The following PIWIL2 variants were observed in gnomAD, a reference collection of about 807,000 sequenced individuals.
The protein encoded by PIWIL2 is piwi like RNA-mediated gene silencing 2.
Under a neutral mutation model 116.5 loss-of-function variants are expected in PIWIL2, and 81 were observed. The ratio of observed to expected loss-of-function variants is 0.70; its 90% CI spans 0.58 to 0.84. The LOEUF (loss-of-function observed/expected upper bound fraction) is 0.84. Among genes scored for constraint, PIWIL2 ranks in the 40% least tolerant of loss-of-function variants. The probability of loss-of-function intolerance (pLI) is 0.00; values close to 1 mark genes in which losing one functional copy is unlikely to be tolerated. For synonymous variants in PIWIL2, 489 were observed against 429.5 expected (o/e 1.14, Z -1.71); for missense variants, 1,272 against 1,212.3 (o/e 1.05, Z -0.73).
intron 21 of PIWIL2, among the ~76,000 whole-genome samples, chr8:22,353,794 A>ATTTTTTTT (rs1832428808): frequency 6.7e-5 from 1 of 14,896 alleles, no homozygotes; most frequent in Non-Finnish European, 1.2e-4. Flanking sequence ...TTTTTTTTTG[A>ATTTTTTTT]GGCAGGGTCT....
At chr8:22,314,491 G>C (rs1831406632) in intron 17 of PIWIL2, 62 bp downstream of exon 17, 5 of 779,822 alleles carry the variant, frequency 6.4e-6, no homozygotes, top group Non-Finnish European at 1.0e-5. Flanking sequence ...GGCTTGAGAA[G>C]AGGGATATGT....
intron 13 of PIWIL2, among the ~76,000 whole-genome samples, chr8:22,307,335 A>T (rs1831206765): frequency 6.6e-6 from 1 of 152,068 alleles, no homozygotes; most frequent in South Asian, 2.1e-4. Context: ...CATTTTAAGT[A>T]GGTGTAATCA....
chr8:22,353,975 C>T (rs1230819964), intron 21 of PIWIL2, among the ~76,000 whole-genome samples: 1 of 151,910 alleles, frequency 6.6e-6, no homozygotes, highest in East Asian at 1.9e-4. Flanking sequence ...AGGGTCTTGC[C>T]ATGTTGCCCA....
chr8:22,349,870 C>T (rs1832316554), intron 20 of PIWIL2, among the ~76,000 whole-genome samples: 1 of 152,206 alleles, frequency 6.6e-6, no homozygotes, highest in African/African-American at 2.4e-5. Flanking sequence ...AAGGGCCAAA[C>T]TCCACTGTTT....
rs190282367 is a variant in PIWIL2, at chr8:22,295,916, C to G, written c.1181+5570C>G. 7.7e-4 allele frequency among the ~76,000 whole-genome samples: 116 copies of G among 151,502 alleles called. 2 individuals are homozygous for G. Among genetic ancestry groups the G allele is most frequent in the Admixed American group, 1.3e-3 (20 of 15,220 alleles). On this transcript the variant is annotated intron_variant, in intron 10 of 22. Coordinates refer to ENST00000356766, the MANE Select transcript of PIWIL2 (RefSeq NM_018068.5). ...TTTAATGAGCCATTCCTACTGAATT[C>G]AATACCATCTTAGAAATGTCTGTTA...
chr8:22,292,925 A>G (rs1175599927), intron 10 of PIWIL2, among the ~76,000 whole-genome samples: 3 of 152,166 alleles, frequency 2.0e-5, no homozygotes, highest in African/African-American at 4.8e-5. Context: ...GAGTAACTCC[A>G]TTTTTGGTTT....
chr8:22,289,965 C>T, intron 9 of PIWIL2, 38 bp downstream of exon 9: 3 of 1,365,336 alleles, frequency 2.2e-6, no homozygotes, highest in Non-Finnish European at 3.1e-6. Context: ...TTTGAATGTT[C>T]TGGAAAGAAA....
At chr8:22,327,935 C>A (rs566807137) in intron 20 of PIWIL2, among the ~76,000 whole-genome samples, 2 of 152,106 alleles carry the variant, frequency 1.3e-5, no homozygotes, top group African/African-American at 4.8e-5. Flanking sequence ...CTCTGCTGCA[C>A]GAAAATTTTA....
At chr8:22,306,992 A>G (rs1352222117) in intron 13 of PIWIL2, among the ~76,000 whole-genome samples, 3 of 152,248 alleles carry the variant, frequency 2.0e-5, no homozygotes, top group Non-Finnish European at 4.4e-5. Context: ...TTTACTCAAC[A>G]ATATTTAGCA....
intron 10 of PIWIL2, among the ~76,000 whole-genome samples, chr8:22,302,649 TA>T (rs1334347076): frequency 3.3e-5 from 5 of 152,216 alleles, no homozygotes; most frequent in Admixed American, 6.5e-5. Flanking sequence ...GTCATTCGGA[TA>T]ATGATTTGGA....
chr8:22,276,818 G>C (rs1393020887), intron 1 of PIWIL2, among the ~76,000 whole-genome samples: 1 of 151,950 alleles, frequency 6.6e-6, no homozygotes, highest in Non-Finnish European at 1.5e-5. Context: ...CAAGAGGACT[G>C]CTTGAGCACA....
rs10626386 is a variant in PIWIL2 at position 22,340,045 on chromosome 8, A to ATTTTTT, written c.2404-12895_2404-12890dup. On this transcript the variant is annotated intron_variant, in intron 20 of 22. Transcript: ENST00000356766. ...GAGTGAACCTAACTGTATAAAAAGA[A>ATTTTTT]TTTTTTTTTTTTTTTTTTTTTTTTG... Among the ~76,000 whole-genome samples, 134 of 93,762 alleles carry ATTTTTT rather than the reference A, an allele frequency of 1.4e-3. 5 individuals are homozygous for ATTTTTT. The highest frequency in any genetic ancestry group is 3.9e-3 in the East Asian group (10 of 2,544). The allele number at this position is 93,762 out of a possible 152,430, so 61.5% of individuals were successfully genotyped here. A position where few individuals can be genotyped will look rare whatever the true frequency, so the allele number is the denominator to read the frequency against.
rs759002054 is a variant in PIWIL2, at chr8:22,279,369, G to A, written c.-18G>A. On this transcript the variant is annotated 5_prime_UTR_variant, in exon 2 of 23. Coordinates refer to ENST00000356766, the MANE Select transcript of PIWIL2 (RefSeq NM_018068.5). ...ATTAACCAGAACAGGATCGACACGT[G>A]TTCTCTACAGCCCGTCCATGGATCC... The A allele has an allele frequency of 1.2e-6, 2 of 1,607,050 alleles. No homozygotes were observed. The highest frequency in any genetic ancestry group is 1.7e-5 in the Admixed American group (1 of 60,018).
chr8:22,331,075 C>G (rs539224027), intron 20 of PIWIL2, among the ~76,000 whole-genome samples: 1 of 152,182 alleles, frequency 6.6e-6, no homozygotes, highest in African/African-American at 2.4e-5. Flanking sequence ...ACTAAGGAGG[C>G]TGAGGGAGGA....
Position 22,311,181 on chromosome 8 carries a change from A to G in PIWIL2, c.1870A>G (p.Met624Val), listed in dbSNP as rs766974842. The change falls in exon 16 of 23, where the codon ATG (methionine) becomes GTG (valine). Residue 624 changes from methionine (M) to valine (V), a missense_variant. Transcript: ENST00000356766. ...GGACCAGGCTCGAGAACTGGTCAAC[A>G]TGTTGGAGAAGATAGCCGGCCCCAT... Reference protein sequence around the residue: ...AMDQARELVNMLEKIAGPIGM... With the variant: ...AMDQARELVNVLEKIAGPIGM... 3.7e-6 allele frequency: 6 copies of G among 1,614,162 alleles called. No homozygotes were observed. Among genetic ancestry groups the G allele is most frequent in the Admixed American group, 3.3e-5 (2 of 60,014 alleles).
At chr8:22,306,077 A>C in intron 13 of PIWIL2, 61 bp downstream of exon 13, 5 of 1,198,298 alleles carry the variant, frequency 4.2e-6, no homozygotes, top group Non-Finnish European at 6.2e-6. Flanking sequence ...TTTGGTTAAC[A>C]GTTTGAGTTA....
intron 20 of PIWIL2, among the ~76,000 whole-genome samples, chr8:22,351,280 T>C (rs1187392934): frequency 6.7e-6 from 1 of 150,374 alleles, no homozygotes; most frequent in Admixed American, 6.6e-5. Context: ...ATTACACCAC[T>C]GCAGTCTAAC....
chr8:22,355,391 C>A lies in PIWIL2; in HGVS notation c.2808C>A (p.Gly936=). Residue 936 remains glycine, a synonymous_variant, in exon 23 of 23, where the codon GGC becomes GGA. Coordinates refer to ENST00000356766, the MANE Select transcript of PIWIL2 (RefSeq NM_018068.5). The part of the protein sequence containing the change: ...KLCHMYWNWP[G]TIRVPAPCKY... The stretch of plus-strand genomic sequence containing the variant: ...GCCACATGTACTGGAATTGGCCTGG[C>A]ACCATCAGAGTTCCAGCTCCTTGCA... 1 of 1,614,130 alleles carries A rather than the reference C, an allele frequency of 6.2e-7. No homozygotes were observed.
chr8:22,295,691 G>T (rs1442238082), intron 10 of PIWIL2, among the ~76,000 whole-genome samples: 1 of 152,056 alleles, frequency 6.6e-6, no homozygotes, highest in Non-Finnish European at 1.5e-5. Flanking sequence ...TACCACCTTC[G>T]TTCCCTGTTC....
Sources: gnomAD v4.1 joint callset for allele counts (sites outside exome capture counted in the v4.1 genomes callset) on GRCh38, gnomAD v4.1.1 for gene constraint, MANE v1.5 for transcripts, NCBI Gene and HGNC (gene_info 2026-07-23, HGNC 2026-07-21) for gene names.